GALNT16: variants seen among roughly 807,000 people sequenced by gnomAD.
The protein encoded by GALNT16 is polypeptide N-acetylgalactosaminyltransferase 16.
In GALNT16, 40 loss-of-function variants were observed where a neutral mutation model predicts 76.1. That is an observed-to-expected ratio of 0.53 (90% CI 0.41 to 0.68). The LOEUF is 0.68. Among genes scored for constraint, GALNT16 ranks in the 30% least tolerant of loss-of-function variants. The probability of loss-of-function intolerance (pLI) is 0.00; values close to 1 mark genes in which losing one functional copy is unlikely to be tolerated. For missense variants in GALNT16, 621 were observed against 731.9 expected (o/e 0.85, Z 1.75); for synonymous variants, 276 against 285.2 (o/e 0.97, Z 0.32).
intron 14 of GALNT16, 50 bp from the exon 15 acceptor site, chr14:69,351,981 T>A (rs60832356): frequency 2.0e-6 from 3 of 1,534,866 alleles, no homozygotes; most frequent in East Asian, 2.3e-5. Context: ...ATTATTTTTT[T>A]AAATCATTGT....
At chr14:69,330,464 A>G (rs920110152) in intron 6 of GALNT16, among the ~76,000 whole-genome samples, 1 of 152,250 alleles carries the variant, frequency 6.6e-6, no homozygotes, top group Non-Finnish European at 1.5e-5. Context: ...AATCTTGTGA[A>G]TATACTAAAA....
intron 1 of GALNT16, among the ~76,000 whole-genome samples, chr14:69,307,038 G>A (rs182618175): frequency 7.2e-5 from 11 of 152,244 alleles, no homozygotes; most frequent in African/African-American, 2.4e-4. Flanking sequence ...GCTAGCATGC[G>A]CATCTGCCTA....
intron 14 of GALNT16, chr14:69,349,703 C>T (rs969717635): frequency 1.3e-5 from 2 of 152,280 alleles, no homozygotes; most frequent in Non-Finnish European, 2.9e-5. Flanking sequence ...AAGGGGCTCC[C>T]TCCCCTGCTT....
the GALNT16 span, among the ~76,000 whole-genome samples, chr14:69,365,780 A>C: frequency 6.8e-6 from 1 of 147,666 alleles, no homozygotes; most frequent in Non-Finnish European, 1.5e-5. Context: ...CCTGAGCTTA[A>C]AAGAAAAAAA....
At chr14:69,281,054 G>A (rs1257907554) in intron 1 of GALNT16, among the ~76,000 whole-genome samples, 2 of 151,290 alleles carry the variant, frequency 1.3e-5, no homozygotes, top group South Asian at 2.1e-4. Context: ...AGCAGCTGCT[G>A]TGCACCAACC....
At chr14:69,355,383 C>G (rs1384157019), downstream of GALNT16, 1 of 152,448 alleles carries the variant, frequency 6.6e-6, no homozygotes, top group Non-Finnish European at 1.5e-5. Flanking sequence ...CCATCCACCC[C>G]TCCGTCCTCT....
At chr14:69,320,238 T>A (rs1316820532) in intron 1 of GALNT16, among the ~76,000 whole-genome samples, 6 of 152,224 alleles carry the variant, frequency 3.9e-5, no homozygotes, top group Non-Finnish European at 5.9e-5. Flanking sequence ...CGCATGCCTG[T>A]AATCCCAGCA....
At position 69,297,011 on chromosome 14, in the gene GALNT16, A is replaced by G. The variant is rs535288725; in HGVS notation, c.178-23700A>G. 5.5e-4 allele frequency among the ~76,000 whole-genome samples: 84 copies of G among 152,332 alleles called. No homozygotes were observed. In the South Asian group the frequency reaches 8.9e-3, roughly 16 times the overall value. On this transcript the variant is annotated intron_variant, in intron 1 of 14. Transcript: ENST00000448469. ...ACAGCTACATATTATTTCGTTGTGT[A>G]GCTATACCATAAGTTATTCAATCAG...
At chr14:69,287,925 C>T (rs2044635931) in intron 1 of GALNT16, among the ~76,000 whole-genome samples, 1 of 152,206 alleles carries the variant, frequency 6.6e-6, no homozygotes, top group Non-Finnish European at 1.5e-5. Context: ...ATTCTGAGGA[C>T]TCAGAGAAAA....
chr14:69,311,490 AG>A (rs1241570287), intron 1 of GALNT16, among the ~76,000 whole-genome samples: 3 of 152,344 alleles, frequency 2.0e-5, no homozygotes, highest in East Asian at 3.9e-4. Context: ...CACAAGAGGC[AG>A]GCTGATTTTT....
chr14:69,366,956 A>G, the GALNT16 span, among the ~76,000 whole-genome samples: 1 of 152,208 alleles, frequency 6.6e-6, no homozygotes, highest in Non-Finnish European at 1.5e-5. Context: ...TTAGGTTATC[A>G]TGGAAGGCTT....
intron 1 of GALNT16, among the ~76,000 whole-genome samples, chr14:69,294,747 T>A (rs549037163): frequency 4.6e-5 from 7 of 152,324 alleles, no homozygotes; most frequent in Non-Finnish European, 1.0e-4. Context: ...CCTGATTTTT[T>A]AAATATTTAT....
intron 4 of GALNT16, 129 bp downstream of exon 4, chr14:69,325,533 T>G (rs1283630416): frequency 2.9e-6 from 2 of 699,730 alleles, no homozygotes; most frequent in African/African-American, 3.5e-5. Flanking sequence ...GCAGGGATCC[T>G]GTCTTTTCTA....
intron 1 of GALNT16, among the ~76,000 whole-genome samples, chr14:69,281,420 C>G (rs567432950): frequency 6.6e-6 from 1 of 152,240 alleles, no homozygotes; most frequent in African/African-American, 2.4e-5. Flanking sequence ...AGCTCCAGAC[C>G]TTGTTAGGTG....
chr14:69,380,532 A>G, the GALNT16 span: 2 of 1,533,234 alleles, frequency 1.3e-6, no homozygotes, highest in Non-Finnish European at 1.8e-6. Flanking sequence ...AGTGCTTCCA[A>G]CACAATTATT....
the GALNT16 span, among the ~76,000 whole-genome samples, chr14:69,383,390 C>T: frequency 2.6e-5 from 4 of 152,220 alleles, no homozygotes; most frequent in Non-Finnish European, 5.9e-5. Context: ...TATGAGCACA[C>T]AACCATCTAC....
At chr14:69,317,372 T>C (rs925619685) in intron 1 of GALNT16, among the ~76,000 whole-genome samples, 13 of 152,176 alleles carry the variant, frequency 8.5e-5, no homozygotes, top group African/African-American at 2.9e-4. Context: ...TGAGGTTCTG[T>C]GGTCAGTTCT....
the GALNT16 span, among the ~76,000 whole-genome samples, chr14:69,373,477 C>T: frequency 1.3e-5 from 2 of 152,178 alleles, no homozygotes; most frequent in Non-Finnish European, 2.9e-5. Flanking sequence ...GGCTTTTAAA[C>T]CAACCTTTTC....
intron 1 of GALNT16, among the ~76,000 whole-genome samples, chr14:69,296,570 G>A (rs1327144754): frequency 6.6e-6 from 1 of 152,076 alleles, no homozygotes; most frequent in Admixed American, 6.6e-5. Flanking sequence ...GCACACACCT[G>A]TAGTCCCAGC....
Sources: allele counts gnomAD v4.1 joint callset (sites outside exome capture counted in the v4.1 genomes callset), GRCh38; gene constraint gnomAD v4.1.1; transcripts MANE v1.5; gene names NCBI Gene and HGNC (gene_info 2026-07-23, HGNC 2026-07-21).